TNFSF9: variants seen among roughly 807,000 people sequenced by gnomAD.
TNFSF9 encodes the protein tumor necrosis factor ligand superfamily member 9.
TNFSF9 carries 10 observed loss-of-function variants against 10.3 expected under a neutral mutation model. The ratio of observed to expected loss-of-function variants is 0.97; its 90% CI spans 0.60 to 1.65. The LOEUF (loss-of-function observed/expected upper bound fraction) is 1.65. Ranked by LOEUF, TNFSF9 falls within the 40% of genes most tolerant of loss-of-function variation. TNFSF9 has a pLI of 0.00. For missense variants in TNFSF9, 361 were observed against 348.9 expected (o/e 1.03, Z -0.28); for synonymous variants, 195 against 176.1 (o/e 1.11, Z -0.85).
Position 6,535,093 on chromosome 19 carries a change from G to A in TNFSF9, c.*27G>A, listed in dbSNP as rs1188870811. 6.7e-7 allele frequency: 1 copy of A among 1,499,698 alleles called. No homozygotes were observed. Among genetic ancestry groups the A allele is most frequent in the Admixed American group, 2.3e-5 (1 of 43,598 alleles). The allele number at this position is 1,499,698 out of a possible 1,614,324, so 92.9% of individuals were successfully genotyped here. ...GTCCAGCCTGGGTGCAGCCCACCTG[G>A]ACAGAGTCCGAATCCTACTCCATCC... On this transcript the variant is annotated 3_prime_UTR_variant, in exon 3 of 3. Transcript: ENST00000245817.
intron 2 of TNFSF9, 140 bp downstream of exon 2, chr19:6,532,956 C>G: frequency 1.6e-6 from 2 of 1,237,372 alleles, no homozygotes; most frequent in Non-Finnish European, 1.2e-6. Flanking sequence ...AAAGCTGCTA[C>G]TTCCCCTCTT....
Position 6,534,940 on chromosome 19 carries a change from C to T in TNFSF9, c.639C>T (p.Gly213=), listed in dbSNP as rs753259865. The T allele has an allele frequency of 3.8e-5, 61 of 1,610,700 alleles. No individual in the cohort carries two copies. The highest frequency in any genetic ancestry group is 4.6e-5 in the Non-Finnish European group (54 of 1,179,538). The part of the protein sequence containing the change: ...LLHLSAGQRL[G]VHLHTEARAR... ...ACCTGAGTGCCGGCCAGCGCCTGGG[C>T]GTCCATCTTCACACTGAGGCCAGGG... is the stretch of plus-strand genomic sequence containing the variant. The change falls in exon 3 of 3, where the codon GGC becomes GGT. Residue 213 remains glycine (G), a synonymous_variant. Transcript: ENST00000245817.
intron 2 of TNFSF9, 45 bp downstream of exon 2, chr19:6,532,861 C>T (rs756158282): frequency 4.3e-6 from 7 of 1,613,186 alleles, no homozygotes; most frequent in Non-Finnish European, 5.1e-6. Flanking sequence ...CCCACCATCC[C>T]CACCCCGGGA....
chr19:6,531,114 A>G lies in TNFSF9; in HGVS notation c.78A>G (p.Val26=). Residue 26 remains valine, a synonymous_variant, in exon 1 of 3, where the codon GTA becomes GTG. Coordinates refer to ENST00000245817, the MANE Select transcript of TNFSF9 (RefSeq NM_003811.4). ...CGCCCCGCGCTCGCGCCTGCCGCGT[A>G]CTGCCTTGGGCCCTGGTCGCGGGGC... ...PPAPRARACR[V]LPWALVAGLL... 6.2e-7 allele frequency: 1 copy of G among 1,610,484 alleles called. No individual in the cohort carries two copies. The highest frequency in any genetic ancestry group is 8.5e-7 in the Non-Finnish European group (1 of 1,178,900).
At chr19:6,533,984 C>T (rs1312494246) in intron 2 of TNFSF9, among the ~76,000 whole-genome samples, 2 of 130,092 alleles carry the variant, frequency 1.5e-5, no homozygotes, top group Non-Finnish European at 3.3e-5. Flanking sequence ...ATGGATCCTT[C>T]CTCTAGAACT....
At chr19:6,531,544 C>T (rs1271730211) in intron 1 of TNFSF9, among the ~76,000 whole-genome samples, 1 of 151,444 alleles carries the variant, frequency 6.6e-6, no homozygotes, top group Admixed American at 6.6e-5. Flanking sequence ...GGAGACCGCC[C>T]AACAGTTCTT....
rs1413281982 is a variant in TNFSF9, at chr19:6,535,897, T to C, written c.*831T>C. 6.6e-6 allele frequency: 1 copy of C among 152,202 alleles called. No individual in the cohort carries two copies. Among genetic ancestry groups the C allele is most frequent in the African/African-American group, 2.4e-5 (1 of 41,446 alleles). 9.4% of individuals were successfully genotyped at this position (152,202 alleles called of 1,614,324 possible). On this transcript the variant is annotated 3_prime_UTR_variant, in exon 3 of 3. Transcript: ENST00000245817. ...CAAGGTTGTTTACATGCCAGTACAA[T>C]TTATAATAAACACTCATTTTTCCTC...
In TNFSF9 at chr19:6,531,026, A is replaced by C. The variant is rs771972170; in HGVS notation, c.-11A>C. The C allele has an allele frequency of 1.0e-5, 16 of 1,607,662 alleles. No individual in the cohort carries two copies. Among genetic ancestry groups the C allele is most frequent in the Non-Finnish European group, 1.4e-5 (16 of 1,177,516 alleles). On this transcript the variant is annotated 5_prime_UTR_variant, in exon 1 of 3. Transcript: ENST00000245817. The stretch of plus-strand genomic sequence containing the variant: ...AAAGCGGCGCGCTGTGTCTTCCCGC[A>C]GTCTCTCGTCATGGAATACGCCTCT...
chr19:6,534,700 G>A lies in TNFSF9; in HGVS notation c.399G>A (p.Leu133=). The A allele has an allele frequency of 2.5e-6, 4 of 1,595,254 alleles. No individual in the cohort carries two copies. Among genetic ancestry groups the A allele is most frequent in the African/African-American group, 1.3e-5 (1 of 74,646 alleles). Residue 133 remains leucine (L), a synonymous_variant, in exon 3 of 3, where the codon CTG becomes CTA. Transcript: ENST00000245817. ...GLSYKEDTKE[L]VVAKAGVYYV... ...GCTACAAAGAGGACACGAAGGAGCT[G>A]GTGGTGGCCAAGGCTGGAGTCTACT...
chr19:6,532,885 G>C (rs1915179603), intron 2 of TNFSF9, 69 bp downstream of exon 2: 17 of 1,605,446 alleles, frequency 1.1e-5, no homozygotes, highest in Non-Finnish European at 1.4e-5. Context: ...GAAGAAGGGG[G>C]AACCTGGAGA....
chr19:6,534,865 C>A lies in TNFSF9; in HGVS notation c.564C>A (p.Ala188=), dbSNP rs1208171579. The A allele has an allele frequency of 6.2e-7, 1 of 1,607,294 alleles. No individual in the cohort carries two copies. Among genetic ancestry groups the A allele is most frequent in the African/African-American group, 1.3e-5 (1 of 75,006 alleles). The change falls in exon 3 of 3, where the codon GCC becomes GCA. Residue 188 remains alanine (A), a synonymous_variant. Transcript: ENST00000245817. Reference sequence around the variant, plus strand: ...CTTTGACCGTGGACCTGCCACCCGCCTCCTCCGAGGCTCGGAACTCGGCCT... The same window carrying A: ...CTTTGACCGTGGACCTGCCACCCGCATCCTCCGAGGCTCGGAACTCGGCCT... ...ALALTVDLPP[A]SSEARNSAFG...
Position 6,535,015 on chromosome 19 carries a change from C to T in TNFSF9, c.714C>T (p.Phe238=), listed in dbSNP as rs1446054455. 15 of 1,590,836 alleles carry T rather than the reference C, an allele frequency of 9.4e-6. No homozygotes were observed. The highest frequency in any genetic ancestry group is 1.2e-5 in the Non-Finnish European group (14 of 1,167,426). The change falls in exon 3 of 3, where the codon TTC becomes TTT. Residue 238 remains phenylalanine (F), a synonymous_variant. Transcript: ENST00000245817. ...AGGGCGCCACAGTCTTGGGACTCTT[C>T]CGGGTGACCCCCGAAATCCCAGCCG... ...LTQGATVLGL[F]RVTPEIPAGL...
At chr19:6,531,571 G>T (rs1338970244) in intron 1 of TNFSF9, among the ~76,000 whole-genome samples, 1 of 151,340 alleles carries the variant, frequency 6.6e-6, no homozygotes, top group African/African-American at 2.4e-5. Flanking sequence ...CCCCCCAAGG[G>T]TCTCCTTCTT....
Position 6,531,316 on chromosome 19 carries a change from C to G in TNFSF9, c.267+13C>G. The stretch of plus-strand genomic sequence containing the variant: ...GGACCTGCGGCAGGTGAGACGTGCC[C>G]CGACCCTCGGTAGCTGGTCTCGCGG... On this transcript the variant is annotated intron_variant, in intron 1 of 2. Transcript: ENST00000245817. 1 of 1,469,426 alleles carries G rather than the reference C, an allele frequency of 6.8e-7. No homozygotes were observed. Among genetic ancestry groups the G allele is most frequent in the Non-Finnish European group, 8.9e-7 (1 of 1,117,476 alleles). 91.0% of individuals were successfully genotyped at this position (1,469,426 alleles called of 1,614,324 possible). A position where few individuals can be genotyped will look rare whatever the true frequency, so the allele number is the denominator to read the frequency against.
chr19:6,531,284 G>A lies in TNFSF9; in HGVS notation c.248G>A (p.Gly83Asp). The stretch of plus-strand genomic sequence containing the variant: ...GAGCTTTCGCCCGACGATCCCGCCG[G>A]CCTCTTGGACCTGCGGCAGGTGAGA... Reference protein sequence around the residue: ...GPELSPDDPAGLLDLRQGMFA... With the variant: ...GPELSPDDPADLLDLRQGMFA... The change falls in exon 1 of 3, where the codon GGC becomes GAC. Residue 83 changes from glycine to aspartate, a missense_variant. By Grantham distance (94) the Gly-to-Asp change is moderately conservative (BLOSUM62 -1). Coordinates refer to ENST00000245817, the MANE Select transcript of TNFSF9 (RefSeq NM_003811.4). 1 of 1,505,480 alleles carries A rather than the reference G, an allele frequency of 6.6e-7. No homozygotes were observed. 93.3% of individuals were successfully genotyped at this position (1,505,480 alleles called of 1,614,324 possible).
intron 1 of TNFSF9, among the ~76,000 whole-genome samples, chr19:6,532,147 C>A (rs1480114437): frequency 6.6e-6 from 1 of 152,220 alleles, no homozygotes; most frequent in Non-Finnish European, 1.5e-5. Flanking sequence ...TCTGAGGTAC[C>A]CCTCTCCCTT....
In TNFSF9 at chr19:6,535,112, T is replaced by C. The variant is rs749368751; in HGVS notation, c.*46T>C. The C allele has an allele frequency of 2.7e-6, 4 of 1,463,340 alleles. No homozygotes were observed. The highest frequency in any genetic ancestry group is 2.4e-5 in the East Asian group (1 of 41,196). 90.6% of individuals were successfully genotyped at this position (1,463,340 alleles called of 1,614,324 possible). A position where few individuals can be genotyped will look rare whatever the true frequency, so the allele number is the denominator to read the frequency against. On this transcript the variant is annotated 3_prime_UTR_variant, in exon 3 of 3. Transcript: ENST00000245817. ...CACCTGGACAGAGTCCGAATCCTAC[T>C]CCATCCTTCATGGAGACCCCTGGTG...
Position 6,535,201 on chromosome 19 carries a change from C to G in TNFSF9, c.*135C>G. ...CAGGGGTCCCTGCTGCTGACCTCCCCTTGAGGACCCTCCTCACCCACTCCT... is the reference window on the plus strand; with the variant it reads ...CAGGGGTCCCTGCTGCTGACCTCCCGTTGAGGACCCTCCTCACCCACTCCT... On this transcript the variant is annotated 3_prime_UTR_variant, in exon 3 of 3. Transcript: ENST00000245817. 1.1e-6 allele frequency: 1 copy of G among 900,524 alleles called. No individual in the cohort carries two copies. Among genetic ancestry groups the G allele is most frequent in the Non-Finnish European group, 1.6e-6 (1 of 630,898 alleles). 55.8% of individuals were successfully genotyped at this position (900,524 alleles called of 1,614,324 possible).
chr19:6,534,685 G>A lies in TNFSF9; in HGVS notation c.384G>A (p.Glu128=), dbSNP rs764995027. 139 of 1,592,824 alleles carry A rather than the reference G, an allele frequency of 8.7e-5. No individual in the cohort carries two copies. Among genetic ancestry groups the A allele is most frequent in the Middle Eastern group, 3.3e-4 (2 of 6,060 alleles). ...VSLTGGLSYK[E]DTKELVVAKA... ...TGACGGGGGGCCTGAGCTACAAAGA[G>A]GACACGAAGGAGCTGGTGGTGGCCA... The change falls in exon 3 of 3, where the codon GAG becomes GAA. Residue 128 remains glutamate, a synonymous_variant. Transcript: ENST00000245817.
Sources: gnomAD v4.1 joint callset for allele counts (sites outside exome capture counted in the v4.1 genomes callset) on GRCh38, gnomAD v4.1.1 for gene constraint, MANE v1.5 for transcripts, NCBI Gene and HGNC (gene_info 2026-07-23, HGNC 2026-07-21) for gene names.